The following BMP7 variants were observed in gnomAD, a reference collection of about 807,000 sequenced individuals.
BMP7 encodes the protein bone morphogenetic protein 7.
In BMP7, 12 loss-of-function variants were observed where a neutral mutation model predicts 41.2. The observed-to-expected ratio is 0.29, with a 90% CI of 0.19 to 0.47. The LOEUF (loss-of-function observed/expected upper bound fraction) is 0.47, where lower values mean the gene tolerates loss of function less well. BMP7 is among the 20% of genes least tolerant of loss of function. The probability of loss-of-function intolerance (pLI) is 0.99; values close to 1 mark genes in which losing one functional copy is unlikely to be tolerated. For missense variants in BMP7, 467 were observed against 606.0 expected, an observed-to-expected ratio of 0.77 and a Z score of 2.41; for synonymous variants, 248 against 250.0, an observed-to-expected ratio of 0.99 and a Z score of 0.07.
At chr20:57,222,806 G>A (rs1025704695) in intron 2 of BMP7, among the ~76,000 whole-genome samples, 5 of 149,328 alleles carry the variant, frequency 3.3e-5, no homozygotes, top group African/African-American at 7.4e-5. Context: ...AAACAGGCAT[G>A]TAGCCTTCAG....
At chr20:57,232,329 A>C (rs1408178502) in intron 1 of BMP7, among the ~76,000 whole-genome samples, 1 of 152,258 alleles carries the variant, frequency 6.6e-6, no homozygotes, top group African/African-American at 2.4e-5. Flanking sequence ...CAGGGCCTCT[A>C]AAACAATGAG....
intron 4 of BMP7, 83 bp from the exon 5 acceptor site, chr20:57,175,090 AGTGAT>A: frequency 2.1e-6 from 3 of 1,396,462 alleles, no homozygotes; most frequent in Non-Finnish European, 3.0e-6. Flanking sequence ...CATCTTAGGC[AGTGAT>A]GTGAACAGCA....
Position 57,232,965 on chromosome 20 carries a change from T to C in BMP7, c.419-4544A>G, listed in dbSNP as rs567485481. Among the ~76,000 whole-genome samples the C allele has an allele frequency of 2.6e-5, 4 of 152,110 alleles. No homozygotes were observed. The East Asian group carries it at 7.7e-4, about 29-fold the overall frequency. On this transcript the variant is annotated intron_variant, in intron 1 of 6. Transcript: ENST00000395863. Reference sequence around the variant, plus strand: ...ATCTCATCTTTCCAAGGTTTCCCTTTTCTATGGAAGCCACTCCACAGTGTG... The same window carrying C: ...ATCTCATCTTTCCAAGGTTTCCCTTCTCTATGGAAGCCACTCCACAGTGTG...
intron 1 of BMP7, among the ~76,000 whole-genome samples, chr20:57,244,716 T>G (rs934768021): frequency 6.6e-6 from 1 of 152,304 alleles, no homozygotes; most frequent in Non-Finnish European, 1.5e-5. Context: ...CAGAGACCTG[T>G]GCCTTGCCTG....
intron 2 of BMP7, among the ~76,000 whole-genome samples, chr20:57,207,820 T>TGG (rs1568714851): frequency 1.5e-5 from 2 of 129,686 alleles, no homozygotes; most frequent in Non-Finnish European, 3.2e-5. Context: ...GGTTTTTTTT[T>TGG]TTTTTTTTTT....
At position 57,190,607 on chromosome 20, in the gene BMP7, C is replaced by G. The variant is rs139529055; in HGVS notation, c.761-6688G>C. 1.6e-3 allele frequency among the ~76,000 whole-genome samples: 248 copies of G among 152,154 alleles called. 3 individuals carry two copies. The highest frequency in any genetic ancestry group is 5.9e-3 in the African/African-American group (245 of 41,490). On this transcript the variant is annotated intron_variant, in intron 3 of 6. Coordinates refer to ENST00000395863, the MANE Select transcript of BMP7 (RefSeq NM_001719.3). ...GTGGCCAGGGTTCTGTGGTGGGAGA[C>G]CCATTCTGAATGCCGTGTGGGGAAC... is the stretch of plus-strand genomic sequence containing the variant.
At chr20:57,231,748 A>G (rs2066030178) in intron 1 of BMP7, among the ~76,000 whole-genome samples, 1 of 152,232 alleles carries the variant, frequency 6.6e-6, no homozygotes, top group South Asian at 2.1e-4. Flanking sequence ...CCTTGAACAC[A>G]GTGGCTCCCC....
intron 1 of BMP7, among the ~76,000 whole-genome samples, chr20:57,265,001 A>C (rs1250145245): frequency 7.6e-6 from 1 of 132,218 alleles, no homozygotes; most frequent in African/African-American, 2.8e-5. Flanking sequence ...ATTGCACTCC[A>C]GACTGGGCGA....
intron 2 of BMP7, among the ~76,000 whole-genome samples, chr20:57,226,975 C>T (rs1006592830): frequency 6.6e-5 from 10 of 151,858 alleles, no homozygotes; most frequent in Admixed American, 2.6e-4. Context: ...TACAGGCGCC[C>T]GCCACCATGC....
intron 1 of BMP7, among the ~76,000 whole-genome samples, chr20:57,234,132 A>C (rs963508143): frequency 2.0e-5 from 3 of 151,584 alleles, no homozygotes; most frequent in Admixed American, 1.3e-4. Context: ...GTCCATCATC[A>C]CTGTCCCAGT....
chr20:57,186,328 G>C (rs898261105), intron 3 of BMP7, among the ~76,000 whole-genome samples: 2 of 149,480 alleles, frequency 1.3e-5, no homozygotes, highest in East Asian at 3.8e-4. Context: ...CCGGAAAACA[G>C]GGGAGGAAAA....
intron 1 of BMP7, among the ~76,000 whole-genome samples, chr20:57,250,279 T>TAG (rs1555817539): frequency 3.2e-5 from 4 of 126,732 alleles, no homozygotes; most frequent in Admixed American, 8.0e-5. Flanking sequence ...AAAATATATA[T>TAG]AGAGTATATT....
chr20:57,264,022 G>A (rs1360604072), intron 1 of BMP7, among the ~76,000 whole-genome samples: 1 of 152,170 alleles, frequency 6.6e-6, no homozygotes, highest in African/African-American at 2.4e-5. Flanking sequence ...ACATCTTGGA[G>A]ATGGTTCTAA....
At chr20:57,260,533 T>A (rs1338562016) in intron 1 of BMP7, among the ~76,000 whole-genome samples, 1 of 152,218 alleles carries the variant, frequency 6.6e-6, no homozygotes, top group Non-Finnish European at 1.5e-5. Context: ...TAAATATTGG[T>A]AGTTCCTCAC....
chr20:57,193,046 T>TG (rs1014298883), intron 3 of BMP7, among the ~76,000 whole-genome samples: 2 of 152,194 alleles, frequency 1.3e-5, no homozygotes, highest in Admixed American at 1.3e-4. Flanking sequence ...ATGGCTTTGC[T>TG]GGTTTCTTCA....
intron 4 of BMP7, among the ~76,000 whole-genome samples, chr20:57,182,273 A>G (rs927837): frequency 0.99 from 150,696 of 152,330 alleles, 74,561 homozygotes; most frequent in East Asian, 1. Flanking sequence ...AGATGCCCAC[A>G]GTGCCAGCAG....
intron 2 of BMP7, among the ~76,000 whole-genome samples, chr20:57,216,539 CTCCTGAGGGCGAGGGGCTGT>C (rs1985028698): frequency 6.7e-6 from 1 of 150,100 alleles, no homozygotes; most frequent in African/African-American, 2.5e-5. Flanking sequence ...AGGGGGCTGT[CTCCTGAGGGCGAGGGGCTGT>C]CTCCTGAGGG....
intron 2 of BMP7, among the ~76,000 whole-genome samples, chr20:57,204,148 T>G (rs1466481003): frequency 1.3e-5 from 2 of 152,216 alleles, no homozygotes; most frequent in Non-Finnish European, 2.9e-5. Context: ...TTCTGGACAC[T>G]GCCTTTTCAG....
chr20:57,230,849 T>C (rs2066026723), intron 1 of BMP7, among the ~76,000 whole-genome samples: 1 of 151,800 alleles, frequency 6.6e-6, no homozygotes, highest in African/African-American at 2.4e-5. Context: ...GCTAATTTTT[T>C]GTATTTTTAG....
Sources: allele counts gnomAD v4.1 joint callset (sites outside exome capture counted in the v4.1 genomes callset), GRCh38; gene constraint gnomAD v4.1.1; transcripts MANE v1.5; gene names NCBI Gene and HGNC (gene_info 2026-07-23, HGNC 2026-07-21).